RALGDS: variants seen among roughly 807,000 people sequenced by gnomAD.
The protein encoded by RALGDS is ral guanine nucleotide dissociation stimulator.
A neutral mutation model predicts 99.8 loss-of-function variants in RALGDS; 44 were observed. The observed-to-expected ratio is 0.44, with a 90% CI of 0.35 to 0.57. The LOEUF is 0.57. Among genes scored for constraint, RALGDS ranks in the 20% least tolerant of loss-of-function variants. The probability of loss-of-function intolerance (pLI) is 0.01; values close to 1 mark genes in which losing one functional copy is unlikely to be tolerated. For missense variants in RALGDS, 1,022 were observed against 1,203.1 expected (o/e 0.85, Z 2.23); for synonymous variants, 529 against 505.0 (o/e 1.05, Z -0.64).
Position 133,100,766 on chromosome 9 carries a change from C to T in RALGDS, c.2455-384G>A, listed in dbSNP as rs552803025. ...GCCCTGGAGGTAAGAAAGGAGGGGC[C>T]GGCCAGGATGCTCAGTGTGGTCAGC... is the stretch of plus-strand genomic sequence containing the variant. On this transcript the variant is annotated intron_variant, in intron 16 of 17. Coordinates refer to ENST00000372050, the MANE Select transcript of RALGDS (RefSeq NM_006266.4). 2.6e-4 allele frequency: 305 copies of T among 1,154,790 alleles called. 2 individuals carry two copies. The South Asian group carries it at 4.9e-3, about 19-fold the overall frequency. The allele number at this position is 1,154,790 out of a possible 1,614,324, so 71.5% of individuals were successfully genotyped here.
At chr9:133,114,300 C>G (rs1435265792) in intron 1 of RALGDS, among the ~76,000 whole-genome samples, 1 of 152,204 alleles carries the variant, frequency 6.6e-6, no homozygotes, top group Non-Finnish European at 1.5e-5. Context: ...CTTCCCGTCA[C>G]AGCAGCAGCA....
In RALGDS at chr9:133,148,570, G is replaced by A. The variant is rs555725321; in HGVS notation, c.18+393C>T. ...GTGGTGTGTGTGTCTGCGTGTGTGT[G>A]AGCATGTATGCGCAGGCCTGCGCCT... On this transcript the variant is annotated intron_variant, in intron 1 of 17. Transcript: ENST00000393160. 9.1e-4 allele frequency among the ~76,000 whole-genome samples: 139 copies of A among 152,352 alleles called. 1 individual carries two copies. Among genetic ancestry groups the A allele is most frequent in the African/African-American group, 3.1e-3 (131 of 41,588 alleles).
At position 133,102,538 on chromosome 9, in the gene RALGDS, G is replaced by A. The variant is rs35123849; in HGVS notation, c.1947C>T (p.Ser649=). The A allele has an allele frequency of 1.6e-3, 2,534 of 1,614,086 alleles. 29 individuals are homozygous for A. The African/African-American group carries it at 0.03, about 19-fold the overall frequency. Residue 649 remains serine, a synonymous_variant, in exon 14 of 18, where the codon TCC becomes TCT. Coordinates refer to ENST00000372050, the MANE Select transcript of RALGDS (RefSeq NM_006266.4). The part of the protein sequence containing the change: ...YNLSCELEPP[S]ESASNTLRTK... The stretch of plus-strand genomic sequence containing the variant: ...TCCTGAGGGTGTTGCTGGCTGACTC[G>A]GATGGGGGCTCCAGCTCGCACGACA...
intron 6 of RALGDS, 70 bp downstream of exon 6, chr9:133,107,918 G>A: frequency 1.9e-6 from 3 of 1,567,146 alleles, no homozygotes; most frequent in East Asian, 4.5e-5. Context: ...ATCAGCAAAT[G>A]GTAGGTCTGG....
At chr9:133,133,906 T>C (rs1285013207), upstream of RALGDS, among the ~76,000 whole-genome samples, 1 of 152,212 alleles carries the variant, frequency 6.6e-6, no homozygotes, top group East Asian at 1.9e-4. Flanking sequence ...CGCTAGGAGC[T>C]GTGACTCAGA....
At chr9:133,107,522 C>T (rs558893968) in intron 6 of RALGDS, among the ~76,000 whole-genome samples, 5 of 152,360 alleles carry the variant, frequency 3.3e-5, no homozygotes, top group African/African-American at 4.8e-5. Flanking sequence ...AGGCGGCTCA[C>T]GCCTGCCCAC....
chr9:133,101,702 T>C lies in RALGDS; in HGVS notation c.2272A>G (p.Ser758Gly), dbSNP rs1461164122. The change falls in exon 16 of 18, where the codon AGC (serine) becomes GGC (glycine). Residue 758 changes from serine (S) to glycine (G), a missense_variant. Around this residue, in one of 3 missense-constraint regions of RALGDS, gnomAD observed 825 missense variants for 994.5 expected, o/e 0.83. Coordinates refer to ENST00000372050, the MANE Select transcript of RALGDS (RefSeq NM_006266.4). ...ETSGISSASS[S>G]TSSSSASTTP... ...GTGGAGGCTGAGGAGGACGAGGTGC[T>C]GCTGGAGGCTGAGCTGATGCCGGAG... 4 of 1,613,980 alleles carry C rather than the reference T, an allele frequency of 2.5e-6. No individual in the cohort carries two copies. Among genetic ancestry groups the C allele is most frequent in the Non-Finnish European group, 3.4e-6 (4 of 1,179,966 alleles).
intron 1 of RALGDS, among the ~76,000 whole-genome samples, chr9:133,114,065 CCG>C (rs1408041147): frequency 6.6e-6 from 1 of 152,210 alleles, no homozygotes; most frequent in Non-Finnish European, 1.5e-5. Context: ...AGCGGCTCCT[CCG>C]TGAGCTGGCA....
chr9:133,143,729 A>G (rs1365046178), intron 1 of RALGDS, among the ~76,000 whole-genome samples: 1 of 132,000 alleles, frequency 7.6e-6, no homozygotes, highest in Non-Finnish European at 1.6e-5. Flanking sequence ...ACAGAGCAAG[A>G]CCCTGTCTCA....
intron 7 of RALGDS, 26 bp from the exon 8 acceptor site, chr9:133,106,774 G>T: frequency 6.5e-7 from 1 of 1,549,074 alleles, no homozygotes. Context: ...CAGGAGGCAT[G>T]AGGTGGGGCT....
At position 133,120,989 on chromosome 9, in the gene RALGDS, C is replaced by A; in HGVS notation, c.166G>T (p.Asp56Tyr). Residue 56 changes from aspartate (D) to tyrosine (Y), a missense_variant, in exon 1 of 18, where the codon GAC becomes TAC. Around this residue, in one of 3 missense-constraint regions of RALGDS, gnomAD observed 180 missense variants for 169.3 expected, o/e 1.06. Transcript: ENST00000372050. The part of the protein sequence containing the change: ...VLHSFTQLDP[D>Y]LPRPESSTQE... Reference sequence around the variant, plus strand: ...TCACCCACCTCCGGGCGCGGCAGGTCGGGGTCTAGCTGCGTGAAGCTGTGC... The same window carrying A: ...TCACCCACCTCCGGGCGCGGCAGGTAGGGGTCTAGCTGCGTGAAGCTGTGC... 1.3e-6 allele frequency: 2 copies of A among 1,487,196 alleles called. No homozygotes were observed. The highest frequency in any genetic ancestry group is 1.3e-5 in the South Asian group (1 of 79,334). The allele number at this position is 1,487,196 out of a possible 1,614,324, so 92.1% of individuals were successfully genotyped here.
intron 4 of RALGDS, 57 bp from the exon 5 acceptor site, chr9:133,108,923 G>A: frequency 6.6e-7 from 1 of 1,510,890 alleles, no homozygotes; most frequent in East Asian, 2.4e-5. Flanking sequence ...GAGCCAGGCT[G>A]GGCTCCTGAG....
chr9:133,101,086 T>C (rs1353905010), intron 16 of RALGDS: 6 of 1,125,740 alleles, frequency 5.3e-6, no homozygotes, highest in Non-Finnish European at 6.6e-6. Flanking sequence ...CTGACCCTGC[T>C]GGCCCCTTCC....
At chr9:133,132,327 G>C (rs113413916), upstream of RALGDS, among the ~76,000 whole-genome samples, 2 of 152,256 alleles carry the variant, frequency 1.3e-5, no homozygotes, top group South Asian at 4.1e-4. Flanking sequence ...GTTGGTATCC[G>C]AGCAGGGATC....
Position 133,108,073 on chromosome 9 carries a change from G to A in RALGDS, c.1112C>T (p.Ala371Val), listed in dbSNP as rs143776396. The stretch of plus-strand genomic sequence containing the variant: ...CTTCTCCTCACTCAGCCCGTTCTCT[G>A]CAACCACAGGTGAAGGCCAGGAAGG... ...LQPSWPSPVV[A>V]ENGLSEEKPH... Residue 371 changes from alanine to valine, a missense_variant, in exon 6 of 18, where the codon GCA becomes GTA. Coordinates refer to ENST00000372050, the MANE Select transcript of RALGDS (RefSeq NM_006266.4). 2.5e-6 allele frequency: 4 copies of A among 1,613,714 alleles called. No individual in the cohort carries two copies. The African/African-American group carries it at 4.0e-5, about 16-fold the overall frequency.
Position 133,103,243 on chromosome 9 carries a change from T to C in RALGDS, c.1778A>G (p.Glu593Gly). Reference protein sequence around the residue: ...DYLYGRLINFEKRRKEFEVIA... With the variant: ...DYLYGRLINFGKRRKEFEVIA... ...GCAGCTGCTTACCTTCCTCCTCTTC[T>C]CAAAGTTGATGAGTCTGCCCTGGAA... is the stretch of plus-strand genomic sequence containing the variant. Residue 593 changes from glutamate to glycine, a missense_variant, in exon 12 of 18, where the codon GAG becomes GGG. Coordinates refer to ENST00000372050, the MANE Select transcript of RALGDS (RefSeq NM_006266.4). 6.2e-7 allele frequency: 1 copy of C among 1,613,876 alleles called. No homozygotes were observed. Among genetic ancestry groups the C allele is most frequent in the South Asian group, 1.1e-5 (1 of 91,088 alleles).
intron 4 of RALGDS, 102 bp from the exon 5 acceptor site, chr9:133,108,968 G>T: frequency 8.5e-7 from 1 of 1,180,518 alleles, no homozygotes; most frequent in Non-Finnish European, 1.2e-6. Context: ...ACCTGCCCCG[G>T]CCCAAGCCCC....
intron 16 of RALGDS, chr9:133,100,808 C>G: frequency 9.2e-7 from 1 of 1,086,018 alleles, no homozygotes; most frequent in Non-Finnish European, 1.1e-6. Flanking sequence ...CAGGCCCCTG[C>G]TACCTTGACC....
At chr9:133,148,958 C>T (rs770734824) in intron 1 of RALGDS, 4 of 1,602,488 alleles carry the variant, frequency 2.5e-6, no homozygotes, top group Non-Finnish European at 3.4e-6. Flanking sequence ...ACGGCGCGCA[C>T]TCACCTGGCA....
Sources: allele counts gnomAD v4.1 joint callset (sites outside exome capture counted in the v4.1 genomes callset), GRCh38; gene constraint gnomAD v4.1.1; regional missense constraint gnomAD v4.1.1; transcripts MANE v1.5; gene names NCBI Gene and HGNC (gene_info 2026-07-23, HGNC 2026-07-21).